SH3RF3: variants seen among roughly 807,000 people sequenced by gnomAD.
SH3RF3 encodes SH3 domain containing ring finger 3.
In SH3RF3, 29 loss-of-function variants were observed where a neutral mutation model predicts 66.3. That is an observed-to-expected ratio of 0.44 (90% CI 0.33 to 0.60). The LOEUF is 0.60. Among genes scored for constraint, SH3RF3 ranks in the 20% least tolerant of loss-of-function variants. The probability of loss-of-function intolerance (pLI) is 0.04; values close to 1 mark genes in which losing one functional copy is unlikely to be tolerated. For missense variants in SH3RF3, 1,194 were observed against 1,190.9 expected (o/e 1.00, Z -0.04); for synonymous variants, 583 against 532.0 (o/e 1.10, Z -1.32).
intron 3 of SH3RF3, among the ~76,000 whole-genome samples, chr2:109,393,580 G>A (rs763821781): frequency 1.3e-5 from 2 of 152,158 alleles, no homozygotes; most frequent in Non-Finnish European, 2.9e-5. Flanking sequence ...AAAGAGTCAT[G>A]TGTTGCCTTC....
At chr2:109,151,648 A>G (rs941998258) in intron 1 of SH3RF3, among the ~76,000 whole-genome samples, 1 of 152,228 alleles carries the variant, frequency 6.6e-6, no homozygotes, top group Non-Finnish European at 1.5e-5. Flanking sequence ...TCACCCCTGC[A>G]GTACATCTGA....
chr2:109,265,699 T>C (rs1295005327), intron 1 of SH3RF3, among the ~76,000 whole-genome samples: 4 of 152,238 alleles, frequency 2.6e-5, no homozygotes, highest in African/African-American at 9.6e-5. Flanking sequence ...GGTCATCTGA[T>C]TATAGTCAGA....
At chr2:109,315,447 G>A (rs11892356) in intron 1 of SH3RF3, among the ~76,000 whole-genome samples, 47,452 of 152,130 alleles carry the variant, frequency 0.31, 9,167 homozygotes, top group African/African-American at 0.55. Flanking sequence ...GCAATAGCTT[G>A]TGTCTGTAGA....
Position 109,248,310 on chromosome 2 carries a change from C to T in SH3RF3, c.574-99364C>T, listed in dbSNP as rs369557022. ...TCATTTTGGCTATTGTTTTAAAAAT[C>T]TTCCCCACCCTTGAAGCCATACAGA... On this transcript the variant is annotated intron_variant, in intron 1 of 9. Coordinates refer to ENST00000309415, the MANE Select transcript of SH3RF3 (RefSeq NM_001099289.3). Among the ~76,000 whole-genome samples, 141 of 152,274 alleles carry T rather than the reference C, an allele frequency of 9.3e-4. 1 individual carries two copies. The highest frequency in any genetic ancestry group is 3.2e-3 in the African/African-American group (133 of 41,552).
At chr2:109,292,931 C>T (rs1010014172) in intron 1 of SH3RF3, among the ~76,000 whole-genome samples, 3 of 152,138 alleles carry the variant, frequency 2.0e-5, no homozygotes, top group Non-Finnish European at 4.4e-5. Context: ...AGGGTTTCAC[C>T]ATGTTGGTCA....
At chr2:109,325,296 A>G (rs1682125828) in intron 1 of SH3RF3, among the ~76,000 whole-genome samples, 2 of 148,684 alleles carry the variant, frequency 1.3e-5, no homozygotes, top group Admixed American at 6.7e-5. Context: ...ATTGGATTTC[A>G]GGGACTGCCA....
intron 1 of SH3RF3, among the ~76,000 whole-genome samples, chr2:109,210,610 G>A (rs533161031): frequency 1.3e-5 from 2 of 152,308 alleles, no homozygotes; most frequent in South Asian, 4.1e-4. Flanking sequence ...GTCCAGCTCA[G>A]GGAAGTGCCT....
At chr2:109,153,452 G>A (rs1176595504) in intron 1 of SH3RF3, among the ~76,000 whole-genome samples, 7 of 152,170 alleles carry the variant, frequency 4.6e-5, no homozygotes, top group Non-Finnish European at 7.3e-5. Context: ...AAGAAGTAAC[G>A]AAGGTATGAA....
At chr2:109,234,087 T>TG (rs1679585174) in intron 1 of SH3RF3, among the ~76,000 whole-genome samples, 1 of 152,254 alleles carries the variant, frequency 6.6e-6, no homozygotes, top group Admixed American at 6.5e-5. Context: ...GTAGAATTGC[T>TG]GGATCATAAG....
intron 1 of SH3RF3, among the ~76,000 whole-genome samples, chr2:109,233,477 G>A (rs755582481): frequency 3.3e-5 from 5 of 152,220 alleles, no homozygotes; most frequent in Non-Finnish European, 5.9e-5. Flanking sequence ...TGCCAGTGCA[G>A]TTTGGGGGTT....
At chr2:109,156,510 A>G (rs1310038561) in intron 1 of SH3RF3, among the ~76,000 whole-genome samples, 5 of 151,852 alleles carry the variant, frequency 3.3e-5, no homozygotes, top group African/African-American at 2.4e-5. Flanking sequence ...CAGTGGTGCA[A>G]TCTTGGCTCA....
chr2:109,453,201 A>G (rs1677938004), intron 8 of SH3RF3, among the ~76,000 whole-genome samples: 1 of 152,110 alleles, frequency 6.6e-6, no homozygotes, highest in South Asian at 2.1e-4. Flanking sequence ...CTGCCAGCCT[A>G]TGCAGGAACC....
chr2:109,293,686 T>A (rs1265811725), intron 1 of SH3RF3, among the ~76,000 whole-genome samples: 3 of 152,348 alleles, frequency 2.0e-5, no homozygotes, highest in Admixed American at 2.0e-4. Flanking sequence ...CATCGGAAAG[T>A]GAGTGTCCTG....
intron 1 of SH3RF3, among the ~76,000 whole-genome samples, chr2:109,161,491 T>C (rs1677488820): frequency 6.6e-6 from 1 of 152,124 alleles, no homozygotes. Flanking sequence ...GTGACGTGCA[T>C]TACATATCGT....
At chr2:109,355,151 A>G (rs962314075) in intron 2 of SH3RF3, among the ~76,000 whole-genome samples, 2 of 152,242 alleles carry the variant, frequency 1.3e-5, no homozygotes, top group African/African-American at 4.8e-5. Context: ...GGAATAGGGA[A>G]AACAGCATAT....
intron 2 of SH3RF3, among the ~76,000 whole-genome samples, chr2:109,359,998 A>G (rs1243670142): frequency 6.6e-6 from 1 of 151,890 alleles, no homozygotes; most frequent in East Asian, 1.9e-4. Flanking sequence ...ATCCAGCAGA[A>G]TGTTTCCTCA....
intron 8 of SH3RF3, among the ~76,000 whole-genome samples, chr2:109,485,514 C>T (rs1678945152): frequency 6.6e-6 from 1 of 152,216 alleles, no homozygotes; most frequent in Admixed American, 6.5e-5. Flanking sequence ...TTCTACTAAA[C>T]AGTTAAGGCC....
intron 1 of SH3RF3, among the ~76,000 whole-genome samples, chr2:109,326,926 G>T (rs1201879338): frequency 4.6e-5 from 7 of 152,188 alleles, no homozygotes; most frequent in Admixed American, 4.6e-4. Context: ...TCTACCATTC[G>T]GTTCCAGTTC....
intron 1 of SH3RF3, among the ~76,000 whole-genome samples, chr2:109,318,906 G>A (rs970349547): frequency 6.6e-6 from 1 of 152,254 alleles, no homozygotes; most frequent in Non-Finnish European, 1.5e-5. Flanking sequence ...TGGTAGGTGA[G>A]CCAAGTGAAT....
Sources: allele counts gnomAD v4.1 joint callset (sites outside exome capture counted in the v4.1 genomes callset), GRCh38; gene constraint gnomAD v4.1.1; transcripts MANE v1.5; gene names NCBI Gene and HGNC (gene_info 2026-07-23, HGNC 2026-07-21).